Variants in ZRANB3 observed in about 807,000 individuals in gnomAD.
ZRANB3 encodes the protein DNA annealing helicase and endonuclease ZRANB3.
A neutral mutation model predicts 133.8 loss-of-function variants in ZRANB3; 125 were observed. That is an observed-to-expected ratio of 0.93 (90% CI 0.81 to 1.08). The LOEUF (loss-of-function observed/expected upper bound fraction) is 1.08, where lower values mean the gene tolerates loss of function less well. Among genes scored for constraint, ZRANB3 ranks in the 50% least tolerant of loss-of-function variants. The pLI is 0.00. For missense variants in ZRANB3, 1,229 were observed against 1,275.5 expected (o/e 0.96, Z 0.56); for synonymous variants, 387 against 432.7 (o/e 0.89, Z 1.31).
chr2:135,510,827 G>A, intron 1 of ZRANB3: 1 of 858,956 alleles, frequency 1.2e-6, no homozygotes, highest in Non-Finnish European at 2.0e-6. Context: ...TCCCACCACT[G>A]TTAATGTGCA....
At chr2:135,399,515 GT>G (rs1158500909) in intron 2 of ZRANB3, among the ~76,000 whole-genome samples, 1 of 151,882 alleles carries the variant, frequency 6.6e-6, no homozygotes, top group Non-Finnish European at 1.5e-5. Flanking sequence ...AAACTGGAGG[GT>G]TTTTTTTACA....
At chr2:135,513,602 A>C (rs1693569041) in intron 1 of ZRANB3, among the ~76,000 whole-genome samples, 1 of 152,150 alleles carries the variant, frequency 6.6e-6, no homozygotes, top group Admixed American at 6.5e-5. Context: ...AAACTATAAA[A>C]CTTCAAGGAG....
chr2:135,491,365 G>T (rs560782132), intron 2 of ZRANB3, among the ~76,000 whole-genome samples: 1 of 152,008 alleles, frequency 6.6e-6, no homozygotes, highest in Admixed American at 6.6e-5. Context: ...TATTTTTTTT[G>T]AGACAGTCTT....
chr2:135,483,713 A>G (rs1483494904), intron 2 of ZRANB3, among the ~76,000 whole-genome samples: 1 of 152,024 alleles, frequency 6.6e-6, no homozygotes, highest in Non-Finnish European at 1.5e-5. Flanking sequence ...TAGGGTGTCA[A>G]TTTTGGATCT....
chr2:135,517,060 A>G (rs753823458), intron 1 of ZRANB3, among the ~76,000 whole-genome samples: 4 of 151,386 alleles, frequency 2.6e-5, no homozygotes, highest in Admixed American at 6.6e-5. Context: ...TGCTTGGTCA[A>G]TTTGGCTATT....
At chr2:135,249,316 T>C (rs1474496692) in intron 12 of ZRANB3, among the ~76,000 whole-genome samples, 1 of 152,228 alleles carries the variant, frequency 6.6e-6, no homozygotes, top group Non-Finnish European at 1.5e-5. Context: ...TGTAGCACTA[T>C]TTGCAATAGC....
chr2:135,264,663 C>T (rs1217709255), intron 12 of ZRANB3, among the ~76,000 whole-genome samples: 1 of 151,426 alleles, frequency 6.6e-6, no homozygotes, highest in African/African-American at 2.4e-5. Context: ...TACAATTTGC[C>T]TTATTTTAGT....
intron 8 of ZRANB3, among the ~76,000 whole-genome samples, chr2:135,304,745 T>C (rs1682593681): frequency 6.6e-6 from 1 of 152,116 alleles, no homozygotes. Flanking sequence ...TTTTAATTTC[T>C]TTTTGAGTCA....
At position 135,283,089 on chromosome 2, in the gene ZRANB3, AGACTG is replaced by A. The variant is rs780644427; in HGVS notation, c.967-7339_967-7335del. 2.2e-4 allele frequency among the ~76,000 whole-genome samples: 33 copies of A among 151,216 alleles called. No homozygotes were observed. The East Asian group carries it at 5.1e-3, about 23-fold the overall frequency. ...TGCTCAAGCCCAGGAGTTTGAGACA[AGACTG>A]GGCAACATAGTGGGTGCCTGTATCT... On this transcript the variant is annotated intron_variant, in intron 8 of 20. Coordinates refer to ENST00000264159, the MANE Select transcript of ZRANB3 (RefSeq NM_032143.4).
chr2:135,404,628 C>A (rs1267596248), intron 2 of ZRANB3, among the ~76,000 whole-genome samples: 3 of 152,146 alleles, frequency 2.0e-5, no homozygotes, highest in Non-Finnish European at 4.4e-5. Flanking sequence ...TCGAGAAGAG[C>A]AACTCCAAGA....
intron 12 of ZRANB3, among the ~76,000 whole-genome samples, chr2:135,263,942 ATTTT>A (rs778377579): frequency 7.2e-6 from 1 of 139,314 alleles, no homozygotes; most frequent in South Asian, 2.3e-4. Context: ...CGCCCGGCTA[ATTTT>A]TTTTTTTTTT....
intron 12 of ZRANB3, among the ~76,000 whole-genome samples, chr2:135,233,864 G>A (rs1695156316): frequency 1.3e-5 from 2 of 152,118 alleles, no homozygotes; most frequent in East Asian, 3.8e-4. Flanking sequence ...GACCATCGAG[G>A]CTAGGAAGAA....
chr2:135,242,441 C>T (rs1416439954), intron 12 of ZRANB3, among the ~76,000 whole-genome samples: 1 of 151,686 alleles, frequency 6.6e-6, no homozygotes, highest in Non-Finnish European at 1.5e-5. Context: ...AGTAGACACT[C>T]AGTAGGTACT....
chr2:135,337,552 C>T (rs1684420976), intron 6 of ZRANB3, among the ~76,000 whole-genome samples: 1 of 152,108 alleles, frequency 6.6e-6, no homozygotes, highest in South Asian at 2.1e-4. Flanking sequence ...GTAGCAAAAT[C>T]ATTATAGTCA....
chr2:135,383,873 T>C (rs1686837198), intron 3 of ZRANB3, among the ~76,000 whole-genome samples: 1 of 152,022 alleles, frequency 6.6e-6, no homozygotes, highest in Admixed American at 6.6e-5. Context: ...TACCACTAAA[T>C]GCCCACAAGG....
intron 8 of ZRANB3, among the ~76,000 whole-genome samples, chr2:135,295,192 T>C (rs1681991835): frequency 6.6e-6 from 1 of 152,178 alleles, no homozygotes; most frequent in Admixed American, 6.5e-5. Context: ...AAGTCTCCCA[T>C]TATTATTGTG....
At chr2:135,480,925 C>A (rs1270509018) in intron 2 of ZRANB3, among the ~76,000 whole-genome samples, 1 of 145,826 alleles carries the variant, frequency 6.9e-6, no homozygotes, top group Non-Finnish European at 1.5e-5. Flanking sequence ...TCATCCATGT[C>A]CCTACAAAGG....
At chr2:135,261,684 T>C (rs141414859) in intron 12 of ZRANB3, among the ~76,000 whole-genome samples, 1,595 of 152,324 alleles carry the variant, frequency 0.01, 13 homozygotes, top group Non-Finnish European at 0.016. Flanking sequence ...CATACACATA[T>C]GTAGGAAGAT....
At chr2:135,344,668 C>T (rs1343160416) in intron 6 of ZRANB3, among the ~76,000 whole-genome samples, 15 of 152,018 alleles carry the variant, frequency 9.9e-5, no homozygotes, top group Admixed American at 9.8e-4. Flanking sequence ...ACATCGGAAG[C>T]GGAGGTTGCA....
Sources: allele counts gnomAD v4.1 joint callset (sites outside exome capture counted in the v4.1 genomes callset), GRCh38; gene constraint gnomAD v4.1.1; transcripts MANE v1.5; gene names NCBI Gene and HGNC (gene_info 2026-07-23, HGNC 2026-07-21).